The following KDM2B variants were observed in gnomAD, a reference collection of about 807,000 sequenced individuals.
KDM2B encodes lysine-specific demethylase 2B.
A neutral mutation model predicts 150.0 loss-of-function variants in KDM2B; 26 were observed. That is an observed-to-expected ratio of 0.17 (90% CI 0.13 to 0.24). KDM2B has a LOEUF of 0.24. KDM2B is among the 10% of genes least tolerant of loss of function. The pLI is 1.00. For synonymous variants in KDM2B, 734 were observed against 729.5 expected, an observed-to-expected ratio of 1.01 and a Z score of -0.10; for missense variants, 1,265 against 1,816.9, an observed-to-expected ratio of 0.70 and a Z score of 5.52.
upstream of KDM2B, among the ~76,000 whole-genome samples, chr12:121,581,741 G>C (rs1555318121): frequency 2.0e-5 from 3 of 152,198 alleles, no homozygotes. Flanking sequence ...GAGAAATTAT[G>C]AATCTGAATG....
At chr12:121,526,628 G>A (rs1454018800) in intron 8 of KDM2B, among the ~76,000 whole-genome samples, 3 of 152,246 alleles carry the variant, frequency 2.0e-5, no homozygotes, top group Admixed American at 2.0e-4. Flanking sequence ...GCTGTGATAG[G>A]ACGATTGTTT....
At chr12:121,420,940 G>T in the KDM2B span, among the ~76,000 whole-genome samples, 29,025 of 152,040 alleles carry the variant, frequency 0.19, 4,279 homozygotes, top group African/African-American at 0.41. Context: ...ATCTGGAAAG[G>T]AGTAACTTCA....
chr12:121,509,631 G>A lies in KDM2B; in HGVS notation c.1583C>T (p.Pro528Leu), dbSNP rs782420924. The A allele has an allele frequency of 6.8e-6, 11 of 1,613,810 alleles. No homozygotes were observed. The highest frequency in any genetic ancestry group is 3.3e-5 in the Admixed American group (2 of 59,976). ...KALVEKLESL[P>L]ENKKCVPEGI... ...CTCGGGGACACACTTCTTGTTCTCC[G>A]GGAGGGATTCCAGTTTCTCCACCAG... The change falls in exon 11 of 23, where the codon CCG becomes CTG. Residue 528 changes from proline to leucine, a missense_variant. This residue lies in a region of KDM2B where 20 missense variants were observed against 49.5 expected (regional missense o/e 0.40). Transcript: ENST00000377071.
In KDM2B at chr12:121,429,351, GAAGCAA is replaced by G. The variant is rs1555284810; in HGVS notation, c.*931_*936del. The G allele has an allele frequency of 2.0e-5, 3 of 152,684 alleles. No individual in the cohort carries two copies. The highest frequency in any genetic ancestry group is 1.9e-4 in the East Asian group (1 of 5,192). 9.5% of individuals were successfully genotyped at this position (152,684 alleles called of 1,614,324 possible). A position where few individuals can be genotyped will look rare whatever the true frequency, so the allele number is the denominator to read the frequency against. ...AACTCAACTCACACTTCAGAGGAGAGAAGCAAAAGCAAAAGAAAGGCTATGTGGGAG... is the reference window on the plus strand; with the variant it reads ...AACTCAACTCACACTTCAGAGGAGAGAAGCAAAAGAAAGGCTATGTGGGAG... On this transcript the variant is annotated 3_prime_UTR_variant, in exon 23 of 23. Transcript: ENST00000377071.
chr12:121,432,159 G>A (rs1489792650), intron 22 of KDM2B, among the ~76,000 whole-genome samples: 1 of 152,114 alleles, frequency 6.6e-6, no homozygotes, highest in Non-Finnish European at 1.5e-5. Context: ...TGGGATTATA[G>A]GTGTGAGCCA....
At chr12:121,551,830 G>A (rs1047066819) in intron 4 of KDM2B, among the ~76,000 whole-genome samples, 1 of 152,166 alleles carries the variant, frequency 6.6e-6, no homozygotes, top group Non-Finnish European at 1.5e-5. Context: ...TGGGATTACA[G>A]GTGTGAGCCA....
In KDM2B at chr12:121,442,092, C is replaced by T. The variant is rs1875201700; in HGVS notation, c.3284+65G>A. ...AAAGAGCATCGCCAGCGACTCCACACACCACGGGCCATCCCTGGTGCCGCC... is the reference window on the plus strand; with the variant it reads ...AAAGAGCATCGCCAGCGACTCCACATACCACGGGCCATCCCTGGTGCCGCC... On this transcript the variant is annotated intron_variant, in intron 19 of 22. Transcript: ENST00000377071. This position sits in a 1 kb window ranked among gnomAD's most constrained non-coding sequence, Gnocchi z 7.7. The T allele has an allele frequency of 1.5e-6, 2 of 1,361,318 alleles. No homozygotes were observed. The highest frequency in any genetic ancestry group is 1.4e-5 in the African/African-American group (1 of 69,966). The allele number at this position is 1,361,318 out of a possible 1,614,324, so 84.3% of individuals were successfully genotyped here.
intron 6 of KDM2B, among the ~76,000 whole-genome samples, chr12:121,538,043 G>T (rs1336747683): frequency 6.6e-6 from 1 of 151,178 alleles, no homozygotes; most frequent in Non-Finnish European, 1.5e-5. Context: ...CCACGGCGCT[G>T]CCAGGCCCCG....
At position 121,549,805 on chromosome 12, in the gene KDM2B, C is replaced by T. The variant is rs1889342827; in HGVS notation, c.398-167G>A. Among the ~76,000 whole-genome samples, 1 of 152,218 alleles carries T rather than the reference C, an allele frequency of 6.6e-6. No individual in the cohort carries two copies. The highest frequency in any genetic ancestry group is 1.5e-5 in the Non-Finnish European group (1 of 68,052). On this transcript the variant is annotated intron_variant, in intron 4 of 22. Coordinates refer to ENST00000377071, the MANE Select transcript of KDM2B (RefSeq NM_032590.5). The surrounding 1 kb of genome is among the most constrained non-coding windows in gnomAD (Gnocchi z 4.4). ...ACCCCATCGGCTTTCCTTCTGGGAT[C>T]TGTCTCCCACCCACCTTGCTTCCCT...
At chr12:121,482,580 G>A (rs371714803) in intron 12 of KDM2B, among the ~76,000 whole-genome samples, 7 of 152,112 alleles carry the variant, frequency 4.6e-5, no homozygotes, top group African/African-American at 9.6e-5. Context: ...GATTACAGGC[G>A]TGAGCCACCG....
chr12:121,547,624 G>A lies in KDM2B; in HGVS notation c.683+1253C>T, dbSNP rs114433169. 7.8e-3 allele frequency among the ~76,000 whole-genome samples: 1,167 copies of A among 150,212 alleles called. 16 individuals carry two copies. Among genetic ancestry groups the A allele is most frequent in the African/African-American group, 0.027 (1,087 of 40,956 alleles). ...CAGAGCAATGGCCCTGCCTGGGACA[G>A]CCTGTGTCTCCTTCCCCTTCCTTTT... is the stretch of plus-strand genomic sequence containing the variant. On this transcript the variant is annotated intron_variant, in intron 6 of 22. Transcript: ENST00000377071.
chr12:121,451,580 T>G (rs1446814063), intron 13 of KDM2B, among the ~76,000 whole-genome samples: 6 of 151,776 alleles, frequency 4.0e-5, no homozygotes, highest in Admixed American at 3.9e-4. Flanking sequence ...AGGCAAGAGG[T>G]GAAAGCAATC....
At chr12:121,466,424 C>T (rs1555294780) in intron 12 of KDM2B, among the ~76,000 whole-genome samples, 1 of 152,218 alleles carries the variant, frequency 6.6e-6, no homozygotes, top group Non-Finnish European at 1.5e-5. Flanking sequence ...TTGTTTTACA[C>T]ACAGATTTCT....
At chr12:121,483,073 G>C (rs1485003669) in intron 12 of KDM2B, among the ~76,000 whole-genome samples, 1 of 152,000 alleles carries the variant, frequency 6.6e-6, no homozygotes, top group African/African-American at 2.4e-5. Context: ...TGAGGCAGGA[G>C]AATCGCTTGA....
intron 7 of KDM2B, 140 bp downstream of exon 7, chr12:121,534,357 A>G: frequency 3.1e-6 from 2 of 637,818 alleles, no homozygotes; most frequent in Non-Finnish European, 5.5e-6. Flanking sequence ...TCAAAAAAAA[A>G]AAAAAAGAGT....
chr12:121,460,168 G>A (rs1400290628), intron 12 of KDM2B, among the ~76,000 whole-genome samples: 3 of 152,214 alleles, frequency 2.0e-5, no homozygotes, highest in African/African-American at 4.8e-5. Context: ...TTTCCTGGCT[G>A]TGAATTATGT....
intron 6 of KDM2B, among the ~76,000 whole-genome samples, chr12:121,548,255 A>G (rs2141982835): frequency 1.3e-5 from 2 of 152,312 alleles, no homozygotes; most frequent in East Asian, 1.9e-4. Flanking sequence ...AGACAGAGCA[A>G]GACTCTGTCT....
intron 12 of KDM2B, among the ~76,000 whole-genome samples, chr12:121,483,522 G>A (rs565679430): frequency 1.3e-5 from 2 of 151,758 alleles, no homozygotes; most frequent in Non-Finnish European, 1.5e-5. Context: ...AAAAAAATAC[G>A]AAAATTTAAC....
Position 121,440,984 on chromosome 12 carries a change from G to A in KDM2B, c.3449-7C>T. The A allele has an allele frequency of 6.2e-7, 1 of 1,613,312 alleles. No homozygotes were observed. The highest frequency in any genetic ancestry group is 2.2e-5 in the East Asian group (1 of 44,870). ...AGCACCAAGTCCCGGAGCCCTGGGG[G>A]GACATAGAAAAGGGTGAAGGTCAGG... On this transcript the variant is annotated splice_region_variant and splice_polypyrimidine_tract_variant and intron_variant, in intron 20 of 22. Transcript: ENST00000377071.
Sources: gnomAD v4.1 joint callset for allele counts (sites outside exome capture counted in the v4.1 genomes callset) on GRCh38, gnomAD v4.1.1 for gene constraint, gnomAD v4.1.1 regional missense constraint, Gnocchi (gnomAD v3.1) non-coding constraint, MANE v1.5 for transcripts, NCBI Gene and HGNC (gene_info 2026-07-23, HGNC 2026-07-21) for gene names.